ABL1: variants seen among roughly 807,000 people sequenced by gnomAD.
ABL1 encodes the protein ABL proto-oncogene 1, non-receptor tyrosine kinase, also known as tyrosine-protein kinase ABL1.
A neutral mutation model predicts 94.7 loss-of-function variants in ABL1; 11 were observed. The ratio of observed to expected loss-of-function variants is 0.12; its 90% CI spans 0.07 to 0.19. The LOEUF (loss-of-function observed/expected upper bound fraction) is 0.19, where lower values mean the gene tolerates loss of function less well. Ranked by LOEUF, ABL1 falls within the 10% of genes least tolerant of loss-of-function variation. The pLI is 1.00. For missense variants in ABL1, 1,082 were observed against 1,489.4 expected (o/e 0.73, Z 4.50); for synonymous variants, 656 against 622.4 (o/e 1.05, Z -0.80).
rs1167392327 is a variant in ABL1, at chr9:130,884,467, C to T, written c.2177C>T (p.Ala726Val). 1 of 1,613,054 alleles carries T rather than the reference C, an allele frequency of 6.2e-7. No homozygotes were observed. Among genetic ancestry groups the T allele is most frequent in the South Asian group, 1.1e-5 (1 of 91,090 alleles). ...TCCGCCTCCTGCGTTCCCCATGGGG[C>T]CAAGGACACGGAGTGGAGGTCAGTC... ...SCSASCVPHG[A>V]KDTEWRSVTL... Residue 726 changes from alanine to valine, a missense_variant, in exon 11 of 11, where the codon GCC becomes GTC. By Grantham distance (64) the Ala-to-Val change is moderately conservative. Coordinates refer to ENST00000318560, the MANE Select transcript of ABL1 (RefSeq NM_005157.6). The surrounding 1 kb of genome is among the most constrained non-coding windows in gnomAD (Gnocchi z 5.6).
chr9:130,869,330 C>G (rs1831212531), intron 4 of ABL1, among the ~76,000 whole-genome samples: 1 of 152,216 alleles, frequency 6.6e-6, no homozygotes, highest in Middle Eastern at 3.2e-3. Flanking sequence ...GTAATAAAAG[C>G]AAGCACCGCT....
chr9:130,882,322 A>C (rs1307634654), intron 10 of ABL1, among the ~76,000 whole-genome samples: 2 of 152,134 alleles, frequency 1.3e-5, no homozygotes, highest in Admixed American at 1.3e-4. Flanking sequence ...AATTCATTGC[A>C]ATTTCACTCT....
upstream of ABL1, among the ~76,000 whole-genome samples, chr9:130,832,958 T>C (rs1016617153): frequency 6.6e-6 from 1 of 152,224 alleles, no homozygotes; most frequent in African/African-American, 2.4e-5. Context: ...AGTATTTTGT[T>C]AGATCTGTTG....
At position 130,884,494 on chromosome 9, in the gene ABL1, C is replaced by A; in HGVS notation, c.2204C>A (p.Thr735Lys). ...AAGGACACGGAGTGGAGGTCAGTCACGCTGCCTCGGGACTTGCAGTCCACG... is the reference window on the plus strand; with the variant it reads ...AAGGACACGGAGTGGAGGTCAGTCAAGCTGCCTCGGGACTTGCAGTCCACG... ...GAKDTEWRSV[T>K]LPRDLQSTGR... The change falls in exon 11 of 11, where the codon ACG becomes AAG. Residue 735 changes from threonine (T) to lysine (K), a missense_variant. Transcript: ENST00000318560. The surrounding 1 kb of genome is among the most constrained non-coding windows in gnomAD (Gnocchi z 5.6). 1 of 1,613,164 alleles carries A rather than the reference C, an allele frequency of 6.2e-7. No homozygotes were observed. Among genetic ancestry groups the A allele is most frequent in the South Asian group, 1.1e-5 (1 of 91,088 alleles).
chr9:130,885,463 A>G lies in ABL1; in HGVS notation c.3173A>G (p.Glu1058Gly), dbSNP rs764862181. ...EQMASHSAVLEAGKNLYTFCV... is the reference protein window; with the variant it reads ...EQMASHSAVLGAGKNLYTFCV... ...ATGGCCAGCCACAGCGCAGTGCTGG[A>G]GGCCGGCAAAAACCTCTACACGTTC... Residue 1058 changes from glutamate (E) to glycine (G), a missense_variant, in exon 11 of 11, where the codon GAG (glutamate) becomes GGG (glycine). Glu to Gly is a moderately conservative substitution (Grantham distance 98). This residue lies in a region of ABL1 where 780 missense variants were observed against 835.8 expected (regional missense o/e 0.93). Coordinates refer to ENST00000318560, the MANE Select transcript of ABL1 (RefSeq NM_005157.6). The G allele has an allele frequency of 1.9e-6, 3 of 1,614,036 alleles. No homozygotes were observed. In the South Asian group the frequency reaches 3.3e-5, roughly 18 times the overall value.
chr9:130,714,220 G>GA, exon 1 of ABL1: 1 of 1,206,308 alleles, frequency 8.3e-7, no homozygotes, highest in South Asian at 2.1e-5. Context: ...GAGATGCAGC[G>GA]AATGTGAAAT....
intron 1 of ABL1, among the ~76,000 whole-genome samples, chr9:130,809,443 T>C (rs549874929): frequency 0.026 from 3,835 of 144,946 alleles, 174 homozygotes; most frequent in African/African-American, 0.093. Context: ...TGTGTGTGTG[T>C]GCACGTGTGA....
intron 1 of ABL1, among the ~76,000 whole-genome samples, chr9:130,736,333 C>T (rs565104940): frequency 2.1e-3 from 318 of 152,150 alleles, no homozygotes; most frequent in Non-Finnish European, 3.4e-3. Flanking sequence ...TTTACAGTCC[C>T]ATCGCTGGTA....
chr9:130,868,520 C>CTTTTTTTTTTTTTTTTTTT (rs71389371), intron 4 of ABL1, among the ~76,000 whole-genome samples: 3 of 112,114 alleles, frequency 2.7e-5, no homozygotes, highest in Admixed American at 9.2e-5. Context: ...TTTTCTTTTT[C>CTTTTTTTTTTTTTTTTTTT]TTTTTTTTTT....
At chr9:130,734,080 T>C (rs1258745878) in intron 1 of ABL1, among the ~76,000 whole-genome samples, 2 of 152,146 alleles carry the variant, frequency 1.3e-5, no homozygotes, top group African/African-American at 4.8e-5. Context: ...ATTGGAAACA[T>C]TACTTTTTGA....
At chr9:130,803,772 C>G (rs903227166) in intron 1 of ABL1, among the ~76,000 whole-genome samples, 1 of 152,078 alleles carries the variant, frequency 6.6e-6, no homozygotes, top group South Asian at 2.1e-4. Flanking sequence ...GGACCTTTTT[C>G]CTAATTAGAA....
At chr9:130,728,661 A>T (rs1254703428) in intron 1 of ABL1, among the ~76,000 whole-genome samples, 1 of 149,954 alleles carries the variant, frequency 6.7e-6, no homozygotes, top group Non-Finnish European at 1.5e-5. Flanking sequence ...AAGTGCTGGG[A>T]TTACAGGCAT....
At chr9:130,794,509 C>T (rs979976069) in intron 1 of ABL1, among the ~76,000 whole-genome samples, 1 of 152,056 alleles carries the variant, frequency 6.6e-6, no homozygotes, top group African/African-American at 2.4e-5. Context: ...ATTTGAAGGC[C>T]AGATTTTATC....
At chr9:130,731,564 G>A (rs1209697785) in intron 1 of ABL1, among the ~76,000 whole-genome samples, 2 of 152,132 alleles carry the variant, frequency 1.3e-5, no homozygotes, top group Non-Finnish European at 1.5e-5. Context: ...CTGCTGCTGT[G>A]TAAATCAGGT....
chr9:130,713,143 C>T (rs1831391679), exon 1 of ABL1, among the ~76,000 whole-genome samples: 1 of 152,174 alleles, frequency 6.6e-6, no homozygotes, highest in South Asian at 2.1e-4. Flanking sequence ...CTCCGCTGTC[C>T]ACGGCCCCTA....
rs748475317 is a variant in ABL1 at position 130,884,380 on chromosome 9, G to A, written c.2090G>A (p.Arg697His). The change falls in exon 11 of 11, where the codon CGC becomes CAC. Residue 697 changes from arginine (R) to histidine (H), a missense_variant. Arg to His is a conservative substitution (Grantham distance 29). Around this residue, in one of 7 missense-constraint regions of ABL1, gnomAD observed 780 missense variants for 835.8 expected, o/e 0.93. Transcript: ENST00000318560. This position sits in a 1 kb window ranked among gnomAD's most constrained non-coding sequence, Gnocchi z 5.6. ...AAGTCCAGCACGCTGACCAGCAGCCGCCTAGCCACCGGCGAGGAGGAGGGC... is the reference window on the plus strand; with the variant it reads ...AAGTCCAGCACGCTGACCAGCAGCCACCTAGCCACCGGCGAGGAGGAGGGC... ...WKKSSTLTSSRLATGEEEGGG... is the reference protein window; with the variant it reads ...WKKSSTLTSSHLATGEEEGGG... 9.9e-6 allele frequency: 16 copies of A among 1,611,738 alleles called. No individual in the cohort carries two copies. The highest frequency in any genetic ancestry group is 2.7e-5 in the African/African-American group (2 of 74,942).
chr9:130,876,260 T>C (rs1209638734), intron 7 of ABL1, among the ~76,000 whole-genome samples: 2 of 152,162 alleles, frequency 1.3e-5, no homozygotes, highest in Non-Finnish European at 2.9e-5. Flanking sequence ...ATTCTGTCAT[T>C]CCTGTTAAGT....
In ABL1 at chr9:130,877,639, C is replaced by CT. The variant is rs754804823; in HGVS notation, c.1271-763dup. Among the ~76,000 whole-genome samples the CT allele has an allele frequency of 1.9e-3, 266 of 138,346 alleles. 18 individuals are homozygous for CT. Among genetic ancestry groups the CT allele is most frequent in the African/African-American group, 2.9e-3 (105 of 35,904 alleles). The allele number at this position is 138,346 out of a possible 152,430, so 90.8% of individuals were successfully genotyped here. A position where few individuals can be genotyped will look rare whatever the true frequency, so the allele number is the denominator to read the frequency against. On this transcript the variant is annotated intron_variant, in intron 7 of 10. Coordinates refer to ENST00000318560, the MANE Select transcript of ABL1 (RefSeq NM_005157.6). ...CTGAGTCTTGTTCTGTCCTGGTCTC[C>CT]TTTTTTTTTTTTTATTTTTGAGACG...
chr9:130,746,920 G>C (rs556047392), intron 1 of ABL1, among the ~76,000 whole-genome samples: 1 of 152,254 alleles, frequency 6.6e-6, no homozygotes, highest in African/African-American at 2.4e-5. Flanking sequence ...AAATCAGGGG[G>C]ACAGCAGGGC....
Sources: allele counts gnomAD v4.1 joint callset (sites outside exome capture counted in the v4.1 genomes callset), GRCh38; gene constraint gnomAD v4.1.1; regional missense constraint gnomAD v4.1.1; non-coding constraint Gnocchi (gnomAD v3.1); transcripts MANE v1.5; gene names NCBI Gene and HGNC (gene_info 2026-07-23, HGNC 2026-07-21).